Variants in ABAT observed in about 807,000 individuals in gnomAD.
The protein encoded by ABAT is 4-aminobutyrate aminotransferase.
A neutral mutation model predicts 64.6 loss-of-function variants in ABAT; 45 were observed. That is an observed-to-expected ratio of 0.70 (90% CI 0.55 to 0.89). The LOEUF (loss-of-function observed/expected upper bound fraction) is 0.89, where lower values mean the gene tolerates loss of function less well. Ranked by LOEUF, ABAT falls within the 40% of genes least tolerant of loss-of-function variation. The pLI is 0.00. For synonymous variants in ABAT, 297 were observed against 250.5 expected (o/e 1.19, Z -1.75); for missense variants, 633 against 658.4 (o/e 0.96, Z 0.42).
intron 14 of ABAT, among the ~76,000 whole-genome samples, chr16:8,779,168 G>A (rs1024252034): frequency 3.3e-5 from 5 of 152,238 alleles, no homozygotes; most frequent in African/African-American, 9.6e-5. Flanking sequence ...AAATCCTTCA[G>A]TTTATAGCAG....
chr16:8,722,668 A>G, intron 1 of ABAT: 1 of 482,144 alleles, frequency 2.1e-6, no homozygotes, highest in Non-Finnish European at 3.4e-6. Context: ...TCAGATTTTC[A>G]GATTTCTCCA....
chr16:8,736,132 TG>T, intron 2 of ABAT: 1 of 369,238 alleles, frequency 2.7e-6, no homozygotes, highest in South Asian at 2.6e-5. Context: ...AACTCCCGTT[TG>T]TAAAAACATC....
chr16:8,710,762 C>G (rs181249479), intron 1 of ABAT, among the ~76,000 whole-genome samples: 27 of 141,408 alleles, frequency 1.9e-4, no homozygotes, highest in Admixed American at 1.8e-3. Context: ...ACCTTCACAT[C>G]TGAGCAGGAA....
At chr16:8,767,628 G>C (rs1325192840) in intron 9 of ABAT, among the ~76,000 whole-genome samples, 1 of 152,204 alleles carries the variant, frequency 6.6e-6, no homozygotes, top group African/African-American at 2.4e-5. Flanking sequence ...TGCAGCACTG[G>C]TGAGAAGCCA....
intron 6 of ABAT, among the ~76,000 whole-genome samples, chr16:8,759,666 C>T (rs1022820884): frequency 6.6e-6 from 1 of 152,194 alleles, no homozygotes; most frequent in Non-Finnish European, 1.5e-5. Context: ...GTGCCCACCA[C>T]CATGCCCAGC....
chr16:8,773,614 T>TA (rs1477205404), intron 12 of ABAT, among the ~76,000 whole-genome samples: 1 of 152,250 alleles, frequency 6.6e-6, no homozygotes, highest in Non-Finnish European at 1.5e-5. Context: ...AATTATTAAC[T>TA]AAAATCACCC....
intron 13 of ABAT, among the ~76,000 whole-genome samples, chr16:8,775,926 C>A (rs2060253408): frequency 6.6e-6 from 1 of 152,134 alleles, no homozygotes; most frequent in African/African-American, 2.4e-5. Context: ...TCACTGCCAG[C>A]AATCCAGTCC....
At chr16:8,699,522 C>G (rs919819679) in intron 1 of ABAT, among the ~76,000 whole-genome samples, 2 of 152,030 alleles carry the variant, frequency 1.3e-5, no homozygotes, top group African/African-American at 4.8e-5. Flanking sequence ...CGTGCCATTG[C>G]AATCCAGCCT....
chr16:8,758,537 G>A (rs2059707419), intron 6 of ABAT, among the ~76,000 whole-genome samples: 1 of 152,092 alleles, frequency 6.6e-6, no homozygotes, highest in Non-Finnish European at 1.5e-5. Context: ...TAGGCCAGGG[G>A]TTCAGAACTC....
intron 1 of ABAT, among the ~76,000 whole-genome samples, chr16:8,725,848 G>C (rs1478447612): frequency 6.6e-6 from 1 of 152,100 alleles, no homozygotes; most frequent in Non-Finnish European, 1.5e-5. Context: ...CTAGGACTGA[G>C]GGTTTAAGAG....
chr16:8,750,943 C>CTTTTTT (rs71301327), intron 5 of ABAT, among the ~76,000 whole-genome samples: 1 of 109,742 alleles, frequency 9.1e-6, no homozygotes, highest in Non-Finnish European at 1.8e-5. Context: ...TTTTTCCCTG[C>CTTTTTT]TTTTTTTTTT....
At chr16:8,761,804 G>A (rs985037818) in intron 6 of ABAT, among the ~76,000 whole-genome samples, 6 of 152,090 alleles carry the variant, frequency 3.9e-5, no homozygotes, top group African/African-American at 1.2e-4. Flanking sequence ...TTCCTGCCAG[G>A]TCACCAAAGT....
chr16:8,690,965 C>A (rs1286478734), intron 1 of ABAT, among the ~76,000 whole-genome samples: 1 of 152,020 alleles, frequency 6.6e-6, no homozygotes, highest in Admixed American at 6.6e-5. Flanking sequence ...CAGGAGTTAA[C>A]ACTGCTTCAG....
intron 2 of ABAT, among the ~76,000 whole-genome samples, chr16:8,739,257 G>C (rs1157139225): frequency 6.6e-6 from 1 of 152,198 alleles, no homozygotes; most frequent in African/African-American, 2.4e-5. Flanking sequence ...GAGACACCAT[G>C]GGAAGAGCAC....
chr16:8,753,342 A>G (rs562160945), intron 5 of ABAT, among the ~76,000 whole-genome samples: 31 of 152,044 alleles, frequency 2.0e-4, no homozygotes, highest in South Asian at 6.2e-4. Flanking sequence ...TGATCCACCC[A>G]CCTTGGCCTC....
intron 5 of ABAT, chr16:8,757,059 G>A: frequency 2.4e-6 from 1 of 424,344 alleles, no homozygotes; most frequent in Non-Finnish European, 4.6e-6. Flanking sequence ...CTCAGCCCAT[G>A]GGCGCTGGGA....
intron 1 of ABAT, among the ~76,000 whole-genome samples, chr16:8,719,660 A>T (rs2058310335): frequency 6.6e-6 from 1 of 152,212 alleles, no homozygotes; most frequent in Non-Finnish European, 1.5e-5. Context: ...GCAGCTCATC[A>T]GGCCATAGAA....
In ABAT at chr16:8,700,517, T is replaced by C. The variant is rs147029099; in HGVS notation, c.-42+25806T>C. Reference sequence around the variant, plus strand: ...CACCATAGATTAGCTGAGCCTATTTTAGAACTTTATAAACGGAATCATACC... The same window carrying C: ...CACCATAGATTAGCTGAGCCTATTTCAGAACTTTATAAACGGAATCATACC... On this transcript the variant is annotated intron_variant, in intron 1 of 15. Transcript: ENST00000268251. 3.0e-3 allele frequency among the ~76,000 whole-genome samples: 460 copies of C among 152,274 alleles called. 5 individuals are homozygous for C. Among genetic ancestry groups the C allele is most frequent in the African/African-American group, 0.01 (435 of 41,562 alleles).
At chr16:8,694,999 C>A (rs922365798) in intron 1 of ABAT, among the ~76,000 whole-genome samples, 5 of 152,238 alleles carry the variant, frequency 3.3e-5, no homozygotes, top group Non-Finnish European at 7.3e-5. Flanking sequence ...TCAGGCCCAG[C>A]TGGCAGCATT....
Sources: gnomAD v4.1 joint callset for allele counts (sites outside exome capture counted in the v4.1 genomes callset) on GRCh38, gnomAD v4.1.1 for gene constraint, MANE v1.5 for transcripts, NCBI Gene and HGNC (gene_info 2026-07-23, HGNC 2026-07-21) for gene names.